Variants in AK1 observed in about 807,000 individuals in gnomAD.
AK1 encodes adenylate kinase 1, also known as adenylate kinase isoenzyme 1.
In AK1, 13 loss-of-function variants were observed where a neutral mutation model predicts 23.9. The observed-to-expected ratio is 0.54, with a 90% CI of 0.35 to 0.86. The LOEUF is 0.86. Ranked by LOEUF, AK1 falls within the 40% of genes least tolerant of loss-of-function variation. AK1 has a pLI of 0.01. For synonymous variants in AK1, 97 were observed against 102.8 expected, an observed-to-expected ratio of 0.94 and a Z score of 0.34; for missense variants, 214 against 255.1, an observed-to-expected ratio of 0.84 and a Z score of 1.10.
rs2131400893 is a variant in AK1, at chr9:127,871,544, T to C, written c.324+279A>G. On this transcript the variant is annotated intron_variant, in intron 5 of 6. Transcript: ENST00000644144. The surrounding 1 kb of genome is among the most constrained non-coding windows in gnomAD (Gnocchi z 4.4). ...CCCTGCATTTTGCAGATGGGAAAACTGAGGTTCAGGAGGCAGAATGACTGG... is the reference window on the plus strand; with the variant it reads ...CCCTGCATTTTGCAGATGGGAAAACCGAGGTTCAGGAGGCAGAATGACTGG... Among the ~76,000 whole-genome samples the C allele has an allele frequency of 6.6e-6, 1 of 151,712 alleles. No homozygotes were observed. Among genetic ancestry groups the C allele is most frequent in the African/African-American group, 2.4e-5 (1 of 41,024 alleles).
At chr9:127,874,292 G>A (rs758247854) in intron 2 of AK1, 184 of 985,310 alleles carry the variant, frequency 1.9e-4, no homozygotes, top group Non-Finnish European at 2.2e-4. Context: ...GAATTGCCTT[G>A]TCCTCATTAG....
rs1829561999 is a variant in AK1 at position 127,877,253 on chromosome 9, T to C, written c.-33+370A>G. Among the ~76,000 whole-genome samples, 1 of 151,958 alleles carries C rather than the reference T, an allele frequency of 6.6e-6. No homozygotes were observed. The highest frequency in any genetic ancestry group is 2.1e-4 in the South Asian group (1 of 4,820). On this transcript the variant is annotated intron_variant, in intron 1 of 6. Coordinates refer to ENST00000644144, the MANE Select transcript of AK1 (RefSeq NM_000476.3). This position sits in a 1 kb window ranked among gnomAD's most constrained non-coding sequence, Gnocchi z 5.2. Reference sequence around the variant, plus strand: ...ACAGAGGCTGCCCCTGTCCAGGTCCTCTGGGGCAGGGAGCCAGGCCACAGC... The same window carrying C: ...ACAGAGGCTGCCCCTGTCCAGGTCCCCTGGGGCAGGGAGCCAGGCCACAGC...
intron 1 of AK1, 87 bp from the exon 2 acceptor site, chr9:127,874,736 T>G: frequency 7.4e-6 from 10 of 1,343,152 alleles, no homozygotes. Context: ...GCAACTGGTG[T>G]GTGCCAGGCC....
At chr9:127,876,855 G>A (rs1234009985) in intron 1 of AK1, among the ~76,000 whole-genome samples, 4 of 152,202 alleles carry the variant, frequency 2.6e-5, no homozygotes, top group South Asian at 2.1e-4. Context: ...AATATGACTG[G>A]ATGGTCTGCT....
At position 127,867,743 on chromosome 9, in the gene AK1, G is replaced by A; in HGVS notation, c.*265C>T. 1 of 464,834 alleles carries A rather than the reference G, an allele frequency of 2.2e-6. No individual in the cohort carries two copies. The highest frequency in any genetic ancestry group is 2.1e-5 in the South Asian group (1 of 46,632). The allele number at this position is 464,834 out of a possible 1,614,324, so 28.8% of individuals were successfully genotyped here. On this transcript the variant is annotated 3_prime_UTR_variant, in exon 7 of 7. Coordinates refer to ENST00000644144, the MANE Select transcript of AK1 (RefSeq NM_000476.3). ...TGGCTGGCAAAGGGAGGCTGAGGAG[G>A]AACGGAGGGTTGAGGGGCTGGGGAC...
rs1029235186 is a variant in AK1 at position 127,877,095 on chromosome 9, C to T, written c.-33+528G>A. Among the ~76,000 whole-genome samples, 1 of 152,124 alleles carries T rather than the reference C, an allele frequency of 6.6e-6. No homozygotes were observed. Among genetic ancestry groups the T allele is most frequent in the Non-Finnish European group, 1.5e-5 (1 of 68,008 alleles). ...CTGCTGCTGAGGAGTACCAGGCGGC[C>T]ACTGAGCAGTGCTGTGGGAAGGCCC... On this transcript the variant is annotated intron_variant, in intron 1 of 6. Coordinates refer to ENST00000644144, the MANE Select transcript of AK1 (RefSeq NM_000476.3). The surrounding 1 kb of genome is among the most constrained non-coding windows in gnomAD (Gnocchi z 5.2).
rs1829563268 is a variant in AK1 at position 127,877,307 on chromosome 9, T to C, written c.-33+316A>G. Among the ~76,000 whole-genome samples the C allele has an allele frequency of 6.6e-6, 1 of 151,946 alleles. No homozygotes were observed. Among genetic ancestry groups the C allele is most frequent in the African/African-American group, 2.4e-5 (1 of 41,390 alleles). On this transcript the variant is annotated intron_variant, in intron 1 of 6. Transcript: ENST00000644144. This position sits in a 1 kb window ranked among gnomAD's most constrained non-coding sequence, Gnocchi z 5.2. Reference sequence around the variant, plus strand: ...CCCTCTCTGGGCCCAAGCTGGGACATGCCAAGGGCAGTGACCTGGAGCCCC... The same window carrying C: ...CCCTCTCTGGGCCCAAGCTGGGACACGCCAAGGGCAGTGACCTGGAGCCCC...
rs898648313 is a variant in AK1, at chr9:127,868,286, C to T, written c.516+35G>A. The T allele has an allele frequency of 1.9e-6, 3 of 1,551,652 alleles. No homozygotes were observed. In the East Asian group the frequency reaches 7.2e-5, roughly 37 times the overall value. On this transcript the variant is annotated intron_variant, in intron 6 of 6. Coordinates refer to ENST00000644144, the MANE Select transcript of AK1 (RefSeq NM_000476.3). The surrounding 1 kb of genome is among the most constrained non-coding windows in gnomAD (Gnocchi z 4.1). ...AGGCGGAGCCACATAGGAACCCGTT[C>T]TTCCCGGAGCTGCCCCTGGGCCCGC...
At chr9:127,875,056 T>G in intron 1 of AK1, 2 of 239,870 alleles carry the variant, frequency 8.3e-6, no homozygotes, top group East Asian at 9.6e-5. Context: ...TTGACAACGC[T>G]CCCCAGGGCC....
chr9:127,879,482 AC>A (rs1829601838), upstream of AK1: 1 of 151,338 alleles, frequency 6.6e-6, no homozygotes, highest in African/African-American at 2.4e-5. Context: ...AATTAGCTGG[AC>A]ATGGTGGTGC....
At position 127,871,180 on chromosome 9, in the gene AK1, G is replaced by A. The variant is rs1829399408; in HGVS notation, c.324+643C>T. On this transcript the variant is annotated intron_variant, in intron 5 of 6. Coordinates refer to ENST00000644144, the MANE Select transcript of AK1 (RefSeq NM_000476.3). This position sits in a 1 kb window ranked among gnomAD's most constrained non-coding sequence, Gnocchi z 4.4. The stretch of plus-strand genomic sequence containing the variant: ...GTCCACGTGTGTGCGTGTGTGGGGT[G>A]CCCCATCCTGGGGAAGGTGTATCTG... Among the ~76,000 whole-genome samples, 1 of 151,706 alleles carries A rather than the reference G, an allele frequency of 6.6e-6. No individual in the cohort carries two copies. Among genetic ancestry groups the A allele is most frequent in the Non-Finnish European group, 1.5e-5 (1 of 68,026 alleles).
At chr9:127,873,898 T>G in intron 2 of AK1, 1 of 985,110 alleles carries the variant, frequency 1.0e-6, no homozygotes, top group Non-Finnish European at 1.2e-6. Context: ...AGGGAGGAGG[T>G]GGGCTGGGCG....
At position 127,868,808 on chromosome 9, in the gene AK1, A is replaced by C. The variant is rs1489153252; in HGVS notation, c.325-296T>G. On this transcript the variant is annotated intron_variant, in intron 5 of 6. Coordinates refer to ENST00000644144, the MANE Select transcript of AK1 (RefSeq NM_000476.3). The surrounding 1 kb of genome is among the most constrained non-coding windows in gnomAD (Gnocchi z 4.1). ...CTCCTTCCATGCCAGACCTGTGCTC[A>C]TGCTGTTCCCTCTGCTAGGAGCCCT... Among the ~76,000 whole-genome samples, 1 of 152,044 alleles carries C rather than the reference A, an allele frequency of 6.6e-6. No homozygotes were observed.
chr9:127,867,912 C>T lies in AK1; in HGVS notation c.*96G>A. The T allele has an allele frequency of 8.3e-7, 1 of 1,203,648 alleles. No individual in the cohort carries two copies. Among genetic ancestry groups the T allele is most frequent in the South Asian group, 1.2e-5 (1 of 82,434 alleles). The allele number at this position is 1,203,648 out of a possible 1,614,324, so 74.6% of individuals were successfully genotyped here. A position where few individuals can be genotyped will look rare whatever the true frequency, so the allele number is the denominator to read the frequency against. ...AGCGGCTTCCTCCGTCTGTGCTCAG[C>T]AGGGCAGGGTGGAGGCGCTGCGCTC... On this transcript the variant is annotated 3_prime_UTR_variant, in exon 7 of 7. Coordinates refer to ENST00000644144, the MANE Select transcript of AK1 (RefSeq NM_000476.3).
chr9:127,874,174 C>T (rs952892985), intron 2 of AK1: 1 of 985,260 alleles, frequency 1.0e-6, no homozygotes, highest in African/African-American at 1.7e-5. Context: ...CTCTGCCTGC[C>T]CGTGTCTCCC....
chr9:127,872,665 T>C lies in AK1; in HGVS notation c.207+25A>G, dbSNP rs743537. On this transcript the variant is annotated intron_variant, in intron 4 of 6. Coordinates refer to ENST00000644144, the MANE Select transcript of AK1 (RefSeq NM_000476.3). ...CTCAGGGCTACTGTCATCCCCTGCC[T>C]CTCACCCCACCAGGGCCCACTCACC... The C allele has an allele frequency of 0.36, 577,405 of 1,612,932 alleles. 106,030 individuals are homozygous for C. The highest frequency in any genetic ancestry group is 0.49 in the African/African-American group (36,964 of 74,890).
chr9:127,873,553 CAT>C, intron 2 of AK1: 2 of 1,434,994 alleles, frequency 1.4e-6, no homozygotes, highest in South Asian at 3.0e-5. Context: ...GCAACCACAA[CAT>C]ATGTTGCCAT....
rs375978969 is a variant in AK1 at position 127,871,433 on chromosome 9, A to AG, written c.324+389dup. ...GTTCCCTGCCCCTCTGTGTGTTTAT[A>AG]GGGAGCCAAGGCCCACACTGGAAGG... On this transcript the variant is annotated intron_variant, in intron 5 of 6. Transcript: ENST00000644144. The surrounding 1 kb of genome is among the most constrained non-coding windows in gnomAD (Gnocchi z 4.4). 1.3e-4 allele frequency among the ~76,000 whole-genome samples: 19 copies of AG among 151,414 alleles called. No homozygotes were observed. The highest frequency in any genetic ancestry group is 4.4e-4 in the African/African-American group (18 of 40,814).
upstream of AK1, among the ~76,000 whole-genome samples, chr9:127,878,653 G>A (rs1387895558): frequency 6.6e-6 from 1 of 152,206 alleles, no homozygotes; most frequent in African/African-American, 2.4e-5. Flanking sequence ...GGAGGTATTT[G>A]AGCAAGAGAG....
Sources: gnomAD v4.1 joint callset for allele counts (sites outside exome capture counted in the v4.1 genomes callset) on GRCh38, gnomAD v4.1.1 for gene constraint, Gnocchi (gnomAD v3.1) non-coding constraint, MANE v1.5 for transcripts, NCBI Gene and HGNC (gene_info 2026-07-23, HGNC 2026-07-21) for gene names.